Variants in AGMAT observed in about 807,000 individuals in gnomAD.
AGMAT encodes the protein guanidino acid hydrolase, mitochondrial.
Under a neutral mutation model 29.3 loss-of-function variants are expected in AGMAT, and 37 were observed. That is an observed-to-expected ratio of 1.26 (90% CI 0.97 to 1.66). The LOEUF (loss-of-function observed/expected upper bound fraction) is 1.66. Among genes scored for constraint, AGMAT ranks in the 40% most tolerant of loss-of-function variants. The pLI is 0.00. For synonymous variants in AGMAT, 199 were observed against 200.8 expected (o/e 0.99, Z 0.08); for missense variants, 498 against 497.8 (o/e 1.00, Z 0.00).
chr1:15,579,063 A>C lies in AGMAT; in HGVS notation c.525-9T>G. The C allele has an allele frequency of 6.2e-7, 1 of 1,613,030 alleles. No homozygotes were observed. The highest frequency in any genetic ancestry group is 1.7e-5 in the Admixed American group (1 of 59,968). ...GCCCCACTGGGCCATGCCTGATGAC[A>C]ACAGGGCAGCTCAGAGGCCAACCCT... On this transcript the variant is annotated splice_polypyrimidine_tract_variant and intron_variant, in intron 3 of 6. Transcript: ENST00000375826.
rs553000649 is a variant in AGMAT at position 15,578,924 on chromosome 1, C to T, written c.655G>A (p.Val219Met). The T allele has an allele frequency of 1.2e-6, 2 of 1,614,168 alleles. No individual in the cohort carries two copies. Among genetic ancestry groups the T allele is most frequent in the African/African-American group, 1.3e-5 (1 of 75,048 alleles). ...VDEGLLDCKR[V>M]VQIGIRGSST... ...GAGCCCCGGATGCCAATCTGCACCA[C>T]ACGCTTACAGTCCAGGAGACCCTCA... The change falls in exon 4 of 7, where the codon GTG becomes ATG. Residue 219 changes from valine to methionine, a missense_variant. By Grantham distance (21) the Val-to-Met change is conservative. Transcript: ENST00000375826.
Position 15,584,734 on chromosome 1 carries a change from C to A in AGMAT, c.234G>T (p.Val78=). Residue 78 remains valine, a synonymous_variant, in exon 1 of 7, where the codon GTG becomes GTT. Transcript: ENST00000375826. The stretch of plus-strand genomic sequence containing the variant: ...GGTTGGAGGTCCCAGTATCCAGGGG[C>A]ACCCCGATGAAGGCAGCGTCCAGCC... ...PEGLDAAFIG[V]PLDTGTSNRP... 1 of 1,346,738 alleles carries A rather than the reference C, an allele frequency of 7.4e-7. No homozygotes were observed. Among genetic ancestry groups the A allele is most frequent in the Non-Finnish European group, 9.6e-7 (1 of 1,043,826 alleles). 83.4% of individuals were successfully genotyped at this position (1,346,738 alleles called of 1,614,324 possible). A position where few individuals can be genotyped will look rare whatever the true frequency, so the allele number is the denominator to read the frequency against.
chr1:15,573,786 G>A lies in AGMAT; in HGVS notation c.986-62C>T, dbSNP rs1638993913. ...GACGACCCGCTGAGCCAAGCCTTGG[G>A]ACTCCTCAGCTTTCTCTTCCCCTTG... On this transcript the variant is annotated intron_variant, in intron 6 of 6. Transcript: ENST00000375826. The A allele has an allele frequency of 4.9e-6, 7 of 1,432,556 alleles. No individual in the cohort carries two copies. In the Admixed American group the frequency reaches 1.3e-4, roughly 26 times the overall value. 88.7% of individuals were successfully genotyped at this position (1,432,556 alleles called of 1,614,324 possible). A position where few individuals can be genotyped will look rare whatever the true frequency, so the allele number is the denominator to read the frequency against.
rs773033737 is a variant in AGMAT at position 15,584,799 on chromosome 1, AG to A, written c.168del (p.Cys57AlafsTer3). On this transcript the variant is annotated frameshift_variant, in exon 1 of 7. Coordinates refer to ENST00000375826, the MANE Select transcript of AGMAT (RefSeq NM_024758.5). LOFTEE classifies it high-confidence loss of function. ...TGCACCGGCAGGCGCATCATGGAGCAGACGCCCACCGGCCGGGCCACGAACT... is the reference window on the plus strand; with the variant it reads ...TGCACCGGCAGGCGCATCATGGAGCAACGCCCACCGGCCGGGCCACGAACT... ...SPEFVARPVG[V>X]CSMMRLPVQT... 1 of 1,398,828 alleles carries A rather than the reference AG, an allele frequency of 7.1e-7. No homozygotes were observed. The highest frequency in any genetic ancestry group is 9.3e-7 in the Non-Finnish European group (1 of 1,078,800). The allele number at this position is 1,398,828 out of a possible 1,614,324, so 86.7% of individuals were successfully genotyped here. A position where few individuals can be genotyped will look rare whatever the true frequency, so the allele number is the denominator to read the frequency against.
intron 2 of AGMAT, 79 bp downstream of exon 2, chr1:15,583,114 C>G: frequency 7.7e-7 from 1 of 1,304,806 alleles, no homozygotes; most frequent in Non-Finnish European, 1.1e-6. Flanking sequence ...GGAGAAGTAG[C>G]TGTACTCAAG....
intron 5 of AGMAT, among the ~76,000 whole-genome samples, chr1:15,576,332 A>G (rs1237634210): frequency 6.6e-6 from 1 of 150,852 alleles, no homozygotes; most frequent in Non-Finnish European, 1.5e-5. Flanking sequence ...TCCCTACCTC[A>G]GGTGAACCAC....
chr1:15,572,786 AT>A lies in AGMAT; in HGVS notation c.*864del, dbSNP rs1638975692. Reference sequence around the variant, plus strand: ...CGTTCACAGTGGTCCTAAAACCAAGATGCAGCCCTAAGCACCTCATAGGAGA... The same window carrying A: ...CGTTCACAGTGGTCCTAAAACCAAGAGCAGCCCTAAGCACCTCATAGGAGA... On this transcript the variant is annotated 3_prime_UTR_variant, in exon 7 of 7. Transcript: ENST00000375826. 6.6e-6 allele frequency: 1 copy of A among 150,408 alleles called. No individual in the cohort carries two copies. The highest frequency in any genetic ancestry group is 2.4e-5 in the African/African-American group (1 of 40,828). 9.3% of individuals were successfully genotyped at this position (150,408 alleles called of 1,614,324 possible). A position where few individuals can be genotyped will look rare whatever the true frequency, so the allele number is the denominator to read the frequency against.
intron 1 of AGMAT, among the ~76,000 whole-genome samples, chr1:15,584,354 G>A (rs1405345261): frequency 6.7e-6 from 1 of 150,214 alleles, no homozygotes; most frequent in Non-Finnish European, 1.5e-5. Flanking sequence ...GTTTCACCAT[G>A]TTGGTCAGGA....
rs556535914 is a variant in AGMAT at position 15,578,719 on chromosome 1, CT to C, written c.720+139del. Reference sequence around the variant, plus strand: ...CCTCACTCCTATGCTCCTTATGCCCCTGATGATGCAAACTCAGCCTTGTATC... The same window carrying C: ...CCTCACTCCTATGCTCCTTATGCCCCGATGATGCAAACTCAGCCTTGTATC... On this transcript the variant is annotated intron_variant, in intron 4 of 6. Transcript: ENST00000375826. The C allele has an allele frequency of 3.5e-4, 332 of 956,370 alleles. 2 individuals carry two copies. The African/African-American group carries it at 4.9e-3, about 14-fold the overall frequency. The allele number at this position is 956,370 out of a possible 1,614,324, so 59.2% of individuals were successfully genotyped here. A position where few individuals can be genotyped will look rare whatever the true frequency, so the allele number is the denominator to read the frequency against.
chr1:15,578,825 G>A lies in AGMAT; in HGVS notation c.720+34C>T, dbSNP rs372091885. The A allele has an allele frequency of 1.1e-4, 176 of 1,605,042 alleles. 1 individual carries two copies. The African/African-American group carries it at 2.2e-3, about 20-fold the overall frequency. ...GAGGCAACGGAGAGGAAGACATTTT[G>A]AGGGGCAAGGGTGGGGGGCATTCGG... On this transcript the variant is annotated intron_variant, in intron 4 of 6. Transcript: ENST00000375826.
intron 5 of AGMAT, among the ~76,000 whole-genome samples, chr1:15,576,814 A>AT (rs1319992380): frequency 7.9e-6 from 1 of 127,060 alleles, no homozygotes; most frequent in Admixed American, 9.9e-5. Flanking sequence ...CAGTGGTTCT[A>AT]TCTCGGCTCA....
In AGMAT at chr1:15,577,822, G is replaced by A. The variant is rs2103437484; in HGVS notation, c.763C>T (p.Leu255=). 1 of 1,614,178 alleles carries A rather than the reference G, an allele frequency of 6.2e-7. No homozygotes were observed. The highest frequency in any genetic ancestry group is 1.1e-5 in the South Asian group (1 of 91,086). ...VLAEDCWMKS[L]VPLMGEVRQQ... The stretch of plus-strand genomic sequence containing the variant: ...CTGACTTCCCCCATCAGAGGAACCA[G>A]CGACTTCATCCAGCAGTCTTCAGCC... Residue 255 remains leucine (L), a synonymous_variant, in exon 5 of 7, where the codon CTG becomes TTG. Coordinates refer to ENST00000375826, the MANE Select transcript of AGMAT (RefSeq NM_024758.5).
chr1:15,578,818 A>T (rs1401578986), intron 4 of AGMAT, 41 bp downstream of exon 4: 2 of 1,601,354 alleles, frequency 1.2e-6, no homozygotes, highest in Non-Finnish European at 1.7e-6. Context: ...GGAGAGGAAG[A>T]CATTTTGAGG....
rs41270261 is a variant in AGMAT, at chr1:15,579,006, G to T, written c.573C>A (p.Thr191=). 1 of 1,613,798 alleles carries T rather than the reference G, an allele frequency of 6.2e-7. No homozygotes were observed. The highest frequency in any genetic ancestry group is 8.5e-7 in the Non-Finnish European group (1 of 1,179,956). ...AGAGCTTCTCTCCTAGGGCCTTGTC[G>T]GTCGTGTCCGTGTGCGCATCCACGT... ...LLHVDAHTDT[T]DKALGEKLYH... The change falls in exon 4 of 7, where the codon ACC becomes ACA. Residue 191 remains threonine, a synonymous_variant. Coordinates refer to ENST00000375826, the MANE Select transcript of AGMAT (RefSeq NM_024758.5).
Position 15,573,644 on chromosome 1 carries a change from A to G in AGMAT, c.*7T>C. 4 of 1,613,730 alleles carry G rather than the reference A, an allele frequency of 2.5e-6. No homozygotes were observed. The highest frequency in any genetic ancestry group is 3.4e-6 in the Non-Finnish European group (4 of 1,179,572). ...CGCAATCTGTTTTGTCTTGAAGAGC[A>G]CAAGACTCAGACGGTTGTCACTTTG... On this transcript the variant is annotated 3_prime_UTR_variant, in exon 7 of 7. Transcript: ENST00000375826.
chr1:15,576,184 C>T (rs554549514), intron 5 of AGMAT: 1 of 152,342 alleles, frequency 6.6e-6, no homozygotes, highest in Admixed American at 6.5e-5. Flanking sequence ...CTCACCACAA[C>T]CTCAGCCTCC....
chr1:15,575,059 A>T, intron 5 of AGMAT: 2 of 467,072 alleles, frequency 4.3e-6, no homozygotes, highest in South Asian at 4.7e-5. Flanking sequence ...GGTGATGGAG[A>T]CAAGGAAACC....
Position 15,575,728 on chromosome 1 carries a change from CTTTTA to C in AGMAT, c.901-892_901-888del, listed in dbSNP as rs1181583044. On this transcript the variant is annotated intron_variant, in intron 5 of 6. Transcript: ENST00000375826. ...GCAGGTAATTGTGCCATCACATGCA[CTTTTA>C]TTTATTTATTTATTTATTTATTTAT... 1.9e-4 allele frequency: 26 copies of C among 133,420 alleles called. 1 individual carries two copies. The highest frequency in any genetic ancestry group is 6.5e-4 in the African/African-American group (25 of 38,746). The allele number at this position is 133,420 out of a possible 1,614,324, so 8.3% of individuals were successfully genotyped here. A position where few individuals can be genotyped will look rare whatever the true frequency, so the allele number is the denominator to read the frequency against.
intron 5 of AGMAT, 85 bp from the exon 6 acceptor site, chr1:15,574,926 A>G: frequency 1.9e-6 from 2 of 1,062,650 alleles, no homozygotes; most frequent in Non-Finnish European, 2.9e-6. Context: ...AGCCCACGCC[A>G]CCCTTTGACT....
Sources: gnomAD v4.1 joint callset for allele counts (sites outside exome capture counted in the v4.1 genomes callset) on GRCh38, gnomAD v4.1.1 for gene constraint, MANE v1.5 for transcripts, NCBI Gene and HGNC (gene_info 2026-07-23, HGNC 2026-07-21) for gene names.